ZNF831: variants seen among roughly 807,000 people sequenced by gnomAD.
ZNF831 encodes the protein zinc finger protein 831, also known as chromosome 20 open reading frame 174.
A neutral mutation model predicts 95.8 loss-of-function variants in ZNF831; 59 were observed. That is an observed-to-expected ratio of 0.62 (90% CI 0.50 to 0.77). The LOEUF is 0.77. Ranked by LOEUF, ZNF831 falls within the 30% of genes least tolerant of loss-of-function variation. The probability of loss-of-function intolerance (pLI) is 0.00; values close to 1 mark genes in which losing one functional copy is unlikely to be tolerated. For missense variants in ZNF831, 2,205 were observed against 2,164.0 expected, an observed-to-expected ratio of 1.02 and a Z score of -0.38; for synonymous variants, 961 against 925.5, an observed-to-expected ratio of 1.04 and a Z score of -0.70.
At chr20:59,187,944 C>T (rs749922477) in intron 1 of ZNF831, among the ~76,000 whole-genome samples, 1 of 152,226 alleles carries the variant, frequency 6.6e-6, no homozygotes, top group Non-Finnish European at 1.5e-5. Context: ...ATGACGTTTT[C>T]AAGGTGCATC....
chr20:59,253,185 T>A, intron 5 of ZNF831, 47 bp downstream of exon 5: 1 of 1,595,618 alleles, frequency 6.3e-7, no homozygotes. Flanking sequence ...CTGGTCTAGA[T>A]GTATAGCCCT....
At chr20:59,214,483 G>A (rs908796636) in intron 4 of ZNF831, among the ~76,000 whole-genome samples, 1 of 152,204 alleles carries the variant, frequency 6.6e-6, no homozygotes. Context: ...GCTACTCCAT[G>A]TCATCTTGAG....
chr20:59,241,559 C>T (rs1987339262), intron 4 of ZNF831, among the ~76,000 whole-genome samples: 1 of 152,052 alleles, frequency 6.6e-6, no homozygotes, highest in Non-Finnish European at 1.5e-5. Flanking sequence ...TTGTAAGAAA[C>T]GTTTATAAGA....
At position 59,194,020 on chromosome 20, in the gene ZNF831, G is replaced by A; in HGVS notation, c.3001G>A (p.Ala1001Thr). Residue 1001 changes from alanine to threonine, a missense_variant, in exon 2 of 6, where the codon GCG (alanine) becomes ACG (threonine). By Grantham distance (58) the Ala-to-Thr change is moderately conservative. Coordinates refer to ENST00000371030, the MANE Select transcript of ZNF831 (RefSeq NM_178457.3). Reference sequence around the variant, plus strand: ...AGCCTCAGGCCCCTCCCCAGGTGAGGCGGACAGCATCCTGGAGGACCCCAG... The same window carrying A: ...AGCCTCAGGCCCCTCCCCAGGTGAGACGGACAGCATCCTGGAGGACCCCAG... ...SPASGPSPGE[A>T]DSILEDPSCS... 1 of 1,528,392 alleles carries A rather than the reference G, an allele frequency of 6.5e-7. No individual in the cohort carries two copies. Among genetic ancestry groups the A allele is most frequent in the Non-Finnish European group, 8.8e-7 (1 of 1,139,880 alleles). The allele number at this position is 1,528,392 out of a possible 1,614,324, so 94.7% of individuals were successfully genotyped here.
intron 4 of ZNF831, among the ~76,000 whole-genome samples, chr20:59,247,588 G>A (rs1987680286): frequency 6.6e-6 from 1 of 152,150 alleles, no homozygotes; most frequent in African/African-American, 2.4e-5. Context: ...ATAAGTAATT[G>A]CTAGCACATT....
rs2146570022 is a variant in ZNF831, at chr20:59,192,697, G to A, written c.1678G>A (p.Ala560Thr). The change falls in exon 2 of 6, where the codon GCC (alanine) becomes ACC (threonine). Residue 560 changes from alanine to threonine, a missense_variant. Physicochemically the swap from Ala to Thr is moderately conservative, Grantham distance 58. Coordinates refer to ENST00000371030, the MANE Select transcript of ZNF831 (RefSeq NM_178457.3). This position sits in a 1 kb window ranked among gnomAD's most constrained non-coding sequence, Gnocchi z 5.2. ...TGACGTTCCCAGTGGGCATCCCCGG[G>A]CCCTGGTCAGACAGGCCGCGGTGGA... ...STDVPSGHPR[A>T]LVRQAAVEDL... is the part of the protein sequence containing the mutation. 1 of 1,587,084 alleles carries A rather than the reference G, an allele frequency of 6.3e-7. No homozygotes were observed. The highest frequency in any genetic ancestry group is 8.6e-7 in the Non-Finnish European group (1 of 1,168,214).
At chr20:59,173,828 C>T (rs533488983) in intron 1 of ZNF831, among the ~76,000 whole-genome samples, 28 of 152,100 alleles carry the variant, frequency 1.8e-4, no homozygotes, top group South Asian at 1.0e-3. Context: ...GGAAACTTGG[C>T]GTAGGAATGA....
At chr20:59,129,279 G>T (rs1568720267) in intron 1 of ZNF831, among the ~76,000 whole-genome samples, 1 of 152,088 alleles carries the variant, frequency 6.6e-6, no homozygotes, top group Non-Finnish European at 1.5e-5. Flanking sequence ...TGTGTATCTA[G>T]TTCTGTGCCG....
intron 1 of ZNF831, among the ~76,000 whole-genome samples, chr20:59,183,542 A>G (rs775398945): frequency 9.2e-5 from 14 of 152,098 alleles, no homozygotes; most frequent in Admixed American, 7.9e-4. Context: ...GTGATGATTG[A>G]TTCAGTATCC....
At chr20:59,188,225 T>C (rs1194081564) in intron 1 of ZNF831, among the ~76,000 whole-genome samples, 3 of 152,370 alleles carry the variant, frequency 2.0e-5, no homozygotes, top group East Asian at 1.9e-4. Context: ...ACTACCCAGT[T>C]GTTTTTAAAG....
At position 59,191,017 on chromosome 20, in the gene ZNF831, G is replaced by T. The variant is rs377250458; in HGVS notation, c.-3G>T. On this transcript the variant is annotated 5_prime_UTR_variant, in exon 2 of 6. Coordinates refer to ENST00000371030, the MANE Select transcript of ZNF831 (RefSeq NM_178457.3). ...GCATTGTGGGCCATCCAGATGATGC[G>T]GAATGGAGGTTCCAGAACCCACCTG... 6.8e-7 allele frequency: 1 copy of T among 1,477,096 alleles called. No individual in the cohort carries two copies. Among genetic ancestry groups the T allele is most frequent in the Non-Finnish European group, 8.9e-7 (1 of 1,122,244 alleles). 91.5% of individuals were successfully genotyped at this position (1,477,096 alleles called of 1,614,324 possible). A position where few individuals can be genotyped will look rare whatever the true frequency, so the allele number is the denominator to read the frequency against.
intron 3 of ZNF831, among the ~76,000 whole-genome samples, chr20:59,199,071 ATATCTATCTATC>A (rs71183162): frequency 0.34 from 32,148 of 95,090 alleles, 5,658 homozygotes; most frequent in African/African-American, 0.38. Flanking sequence ...ATCAACTTAC[ATATCTATCTATC>A]TATCTATCTA....
At chr20:59,253,277 A>G in intron 5 of ZNF831, 139 bp downstream of exon 5, 1 of 884,040 alleles carries the variant, frequency 1.1e-6, no homozygotes, top group Non-Finnish European at 1.7e-6. Context: ...AAAGCCCATT[A>G]AGACAAACAA....
intron 1 of ZNF831, among the ~76,000 whole-genome samples, chr20:59,167,374 C>T (rs1407608164): frequency 6.6e-6 from 1 of 151,062 alleles, no homozygotes; most frequent in East Asian, 1.9e-4. Flanking sequence ...ATACTTTCTC[C>T]AGATCTGTAG....
At position 59,193,190 on chromosome 20, in the gene ZNF831, G is replaced by T. The variant is rs2146578629; in HGVS notation, c.2171G>T (p.Arg724Met). Residue 724 changes from arginine (R) to methionine (M), a missense_variant, in exon 2 of 6, where the codon AGG becomes ATG. Transcript: ENST00000371030. ...AGGAGAGGAGACAGTGACCGACCCAGGGTGGAAGAGGCTGTGTCATCCCCT... is the reference window on the plus strand; with the variant it reads ...AGGAGAGGAGACAGTGACCGACCCATGGTGGAAGAGGCTGTGTCATCCCCT... ...VARRGDSDRP[R>M]VEEAVSSPAL... 1.3e-6 allele frequency: 2 copies of T among 1,579,388 alleles called. No individual in the cohort carries two copies. Among genetic ancestry groups the T allele is most frequent in the Non-Finnish European group, 1.7e-6 (2 of 1,162,254 alleles).
rs374077373 is a variant in ZNF831, at chr20:59,243,637, A to G, written c.4028-9341A>G. 8.5e-4 allele frequency among the ~76,000 whole-genome samples: 129 copies of G among 152,318 alleles called. 1 individual carries two copies. Among genetic ancestry groups the G allele is most frequent in the Non-Finnish European group, 1.5e-4 (10 of 68,028 alleles). ...ACTCCCTCCTTGTTTCTCTGACTAGAACTAATGGCTCTGTACCATTATTTT... is the reference window on the plus strand; with the variant it reads ...ACTCCCTCCTTGTTTCTCTGACTAGGACTAATGGCTCTGTACCATTATTTT... On this transcript the variant is annotated intron_variant, in intron 4 of 5. Coordinates refer to ENST00000371030, the MANE Select transcript of ZNF831 (RefSeq NM_178457.3).
chr20:59,215,241 A>G (rs1290107284), intron 4 of ZNF831, among the ~76,000 whole-genome samples: 2 of 152,252 alleles, frequency 1.3e-5, no homozygotes, highest in African/African-American at 2.4e-5. Context: ...TGCTGGGCAC[A>G]TTGGAAGTCG....
chr20:59,226,245 G>A (rs1345779419), intron 4 of ZNF831, among the ~76,000 whole-genome samples: 4 of 152,162 alleles, frequency 2.6e-5, no homozygotes, highest in African/African-American at 7.2e-5. Context: ...CACAGATGTC[G>A]ATCACAACCT....
chr20:59,152,538 G>A (rs1157036271), intron 2 of ZNF831, among the ~76,000 whole-genome samples: 2 of 152,176 alleles, frequency 1.3e-5, no homozygotes, highest in Admixed American at 6.5e-5. Flanking sequence ...CTTGGAGCTG[G>A]CGAATAGGGT....
Sources: allele counts gnomAD v4.1 joint callset (sites outside exome capture counted in the v4.1 genomes callset), GRCh38; gene constraint gnomAD v4.1.1; non-coding constraint Gnocchi (gnomAD v3.1); transcripts MANE v1.5; gene names NCBI Gene and HGNC (gene_info 2026-07-23, HGNC 2026-07-21).